The following KCNQ4 variants were observed in gnomAD, a reference collection of about 807,000 sequenced individuals.
KCNQ4 encodes the protein potassium voltage-gated channel subfamily Q member 4, also known as potassium voltage-gated channel subfamily KQT member 4.
KCNQ4 carries 31 observed loss-of-function variants against 72.6 expected under a neutral mutation model. The observed-to-expected ratio is 0.43, with a 90% CI of 0.32 to 0.58. The LOEUF (loss-of-function observed/expected upper bound fraction) is 0.58. Among genes scored for constraint, KCNQ4 ranks in the 20% least tolerant of loss-of-function variants. The pLI is 0.08. For synonymous variants in KCNQ4, 405 were observed against 403.7 expected, an observed-to-expected ratio of 1.00 and a Z score of -0.04; for missense variants, 869 against 962.6, an observed-to-expected ratio of 0.90 and a Z score of 1.29.
At chr1:40,801,016 T>C (rs1412171904) in intron 1 of KCNQ4, among the ~76,000 whole-genome samples, 1 of 152,204 alleles carries the variant, frequency 6.6e-6, no homozygotes, top group East Asian at 1.9e-4. Flanking sequence ...CCTCAAACGC[T>C]GGTCTAAGGA....
At chr1:40,822,257 G>T in intron 7 of KCNQ4, 57 bp from the exon 8 acceptor site, 1 of 1,388,266 alleles carries the variant, frequency 7.2e-7, no homozygotes, top group Non-Finnish European at 1.0e-6. Context: ...GGAGAGGGCT[G>T]GTGGGGACTG....
Position 40,818,526 on chromosome 1 carries a change from C to G in KCNQ4, c.554C>G (p.Ser185Trp), listed in dbSNP as rs1245620722. 6.2e-7 allele frequency: 1 copy of G among 1,602,062 alleles called. No individual in the cohort carries two copies. The highest frequency in any genetic ancestry group is 8.5e-7 in the Non-Finnish European group (1 of 1,179,864). ...GCAGACTTCATCGTGTTCGTGGCCT[C>G]GGTGGCCGTCATCGCCGCGGGTACC... ...CVIDFIVFVA[S>W]VAVIAAGTQG... is the part of the protein sequence containing the mutation. The change falls in exon 4 of 14, where the codon TCG becomes TGG. Residue 185 changes from serine to tryptophan, a missense_variant. Around this residue, in one of 5 missense-constraint regions of KCNQ4, gnomAD observed 179 missense variants for 243.0 expected, o/e 0.74. Transcript: ENST00000347132.
chr1:40,822,987 G>A (rs537783302), intron 8 of KCNQ4, among the ~76,000 whole-genome samples: 4 of 152,356 alleles, frequency 2.6e-5, no homozygotes, highest in East Asian at 3.9e-4. Context: ...ACAAAGGTGC[G>A]TGTGGCCAGG....
At chr1:40,786,803 G>A (rs553192057) in intron 1 of KCNQ4, among the ~76,000 whole-genome samples, 1 of 152,080 alleles carries the variant, frequency 6.6e-6, no homozygotes, top group Non-Finnish European at 1.5e-5. Flanking sequence ...CTTGAAAGAC[G>A]GTTGTTATTA....
chr1:40,820,095 G>A lies in KCNQ4; in HGVS notation c.946-70G>A, dbSNP rs1400875125. On this transcript the variant is annotated intron_variant, in intron 6 of 13. Transcript: ENST00000347132. ...GGTACCTCAGAGGGGCAAGGATGGG[G>A]ACACCCTTGCAGCCTCTTACTGCCC... The A allele has an allele frequency of 8.6e-6, 13 of 1,510,564 alleles. No homozygotes were observed. The East Asian group carries it at 2.5e-4, about 29-fold the overall frequency. 93.6% of individuals were successfully genotyped at this position (1,510,564 alleles called of 1,614,324 possible). A position where few individuals can be genotyped will look rare whatever the true frequency, so the allele number is the denominator to read the frequency against.
chr1:40,805,559 G>A (rs967923884), intron 1 of KCNQ4, among the ~76,000 whole-genome samples: 11 of 152,154 alleles, frequency 7.2e-5, no homozygotes, highest in Non-Finnish European at 1.5e-4. Context: ...GGGGGTTAAG[G>A]GAGCATGAGG....
At chr1:40,819,247 C>G (rs1358428125) in intron 4 of KCNQ4, 100 bp from the exon 5 acceptor site, 1 of 1,434,356 alleles carries the variant, frequency 7.0e-7, no homozygotes, top group East Asian at 2.3e-5. Flanking sequence ...CCTGGGACTC[C>G]GGGAGATGGG....
chr1:40,822,545 G>A (rs1041171619), intron 8 of KCNQ4, 143 bp downstream of exon 8: 2 of 669,868 alleles, frequency 3.0e-6, no homozygotes, highest in Non-Finnish European at 5.3e-6. Flanking sequence ...CAGATCCTAT[G>A]TAATTCAGAG....
chr1:40,812,447 G>C (rs1218168448), intron 1 of KCNQ4, among the ~76,000 whole-genome samples: 1 of 152,042 alleles, frequency 6.6e-6, no homozygotes, highest in Non-Finnish European at 1.5e-5. Context: ...TTTTTTTGTA[G>C]AGACAGCATC....
At chr1:40,822,722 C>T (rs1014464749) in intron 8 of KCNQ4, among the ~76,000 whole-genome samples, 4 of 152,174 alleles carry the variant, frequency 2.6e-5, no homozygotes, top group African/African-American at 9.7e-5. Context: ...ACAGCCAGCT[C>T]GTCTCCCCTC....
intron 13 of KCNQ4, 100 bp from the exon 14 acceptor site, chr1:40,838,211 C>T (rs376438050): frequency 3.4e-5 from 34 of 1,009,392 alleles, no homozygotes; most frequent in East Asian, 2.0e-4. Flanking sequence ...TAAGCCCCGC[C>T]CACTCCACCG....
At position 40,818,855 on chromosome 1, in the gene KCNQ4, T is replaced by G. The variant is rs2885330; in HGVS notation, c.708+175T>G. The G allele has an allele frequency of 0.66, 456,079 of 687,690 alleles. 155,039 individuals are homozygous for G. The highest frequency in any genetic ancestry group is 0.72 in the Non-Finnish European group (284,852 of 396,362). 42.6% of individuals were successfully genotyped at this position (687,690 alleles called of 1,614,324 possible). The stretch of plus-strand genomic sequence containing the variant: ...GTCTAAGCGGGTGGGGCGAAGTGGA[T>G]TCTGAATTAGGTAGGGGCGGGCCTA... On this transcript the variant is annotated intron_variant, in intron 4 of 13. Transcript: ENST00000347132.
rs1189895697 is a variant in KCNQ4, at chr1:40,823,997, G to A, written c.1131-100G>A. On this transcript the variant is annotated intron_variant, in intron 8 of 13. Coordinates refer to ENST00000347132, the MANE Select transcript of KCNQ4 (RefSeq NM_004700.4). Reference sequence around the variant, plus strand: ...GCTGTCAGTGAACACCTCTAGAGCAGCAGGACCTGGCAAGATCTGAGCTCA... The same window carrying A: ...GCTGTCAGTGAACACCTCTAGAGCAACAGGACCTGGCAAGATCTGAGCTCA... The A allele has an allele frequency of 3.6e-6, 5 of 1,384,304 alleles. No homozygotes were observed. In the South Asian group the frequency reaches 3.7e-5, roughly 10 times the overall value. 85.8% of individuals were successfully genotyped at this position (1,384,304 alleles called of 1,614,324 possible).
chr1:40,820,744 G>A (rs568164041), intron 7 of KCNQ4, among the ~76,000 whole-genome samples: 2 of 152,318 alleles, frequency 1.3e-5, no homozygotes, highest in South Asian at 4.1e-4. Flanking sequence ...CTGCAAAGTT[G>A]AGCTGGGCAA....
chr1:40,793,108 T>A (rs1647320044), intron 1 of KCNQ4, among the ~76,000 whole-genome samples: 1 of 148,084 alleles, frequency 6.8e-6, no homozygotes, highest in South Asian at 2.2e-4. Context: ...GCTCAAGTGA[T>A]CCTTCCACCT....
chr1:40,802,119 G>A (rs1015255894), intron 1 of KCNQ4, among the ~76,000 whole-genome samples: 1 of 152,164 alleles, frequency 6.6e-6, no homozygotes, highest in Non-Finnish European at 1.5e-5. Flanking sequence ...TGTATGGTCG[G>A]TGTGTCTTCT....
At chr1:40,827,909 T>TA (rs3835660) in intron 9 of KCNQ4, among the ~76,000 whole-genome samples, 42,279 of 152,066 alleles carry the variant, frequency 0.28, 6,389 homozygotes, top group East Asian at 0.48. Context: ...TTATTTACCT[T>TA]AAAAGAAAAT....
intron 6 of KCNQ4, 82 bp from the exon 7 acceptor site, chr1:40,820,083 G>A: frequency 6.6e-7 from 1 of 1,513,278 alleles, no homozygotes; most frequent in South Asian, 1.1e-5. Context: ...ACCTCAGAGG[G>A]GCAAGGATGG....
At chr1:40,818,889 G>C (rs991043524) in intron 4 of KCNQ4, 13 of 634,994 alleles carry the variant, frequency 2.0e-5, no homozygotes, top group Non-Finnish European at 3.4e-5. Context: ...TAGGAGTCCG[G>C]ACCGGATCAG....
Sources: gnomAD v4.1 joint callset for allele counts (sites outside exome capture counted in the v4.1 genomes callset) on GRCh38, gnomAD v4.1.1 for gene constraint, gnomAD v4.1.1 regional missense constraint, MANE v1.5 for transcripts, NCBI Gene and HGNC (gene_info 2026-07-23, HGNC 2026-07-21) for gene names.